HMG20A: variants seen among roughly 807,000 people sequenced by gnomAD.
HMG20A encodes the protein high mobility group protein 20A.
In HMG20A, 17 loss-of-function variants were observed where a neutral mutation model predicts 43.9. The observed-to-expected ratio is 0.39, with a 90% CI of 0.27 to 0.58. The LOEUF (loss-of-function observed/expected upper bound fraction) is 0.58, where lower values mean the gene tolerates loss of function less well. HMG20A is among the 20% of genes least tolerant of loss of function. The pLI, the probability that HMG20A is intolerant of heterozygous loss-of-function variation, is 0.59. For missense variants in HMG20A, 341 were observed against 438.2 expected (o/e 0.78, Z 1.98); for synonymous variants, 132 against 147.5 (o/e 0.89, Z 0.76).
At chr15:77,513,573 T>G in the HMG20A span, among the ~76,000 whole-genome samples, 2 of 152,304 alleles carry the variant, frequency 1.3e-5, no homozygotes, top group African/African-American at 4.8e-5. Flanking sequence ...GCCGACCGGG[T>G]TGGCTTCTGG....
chr15:77,492,289 A>G, the HMG20A span, among the ~76,000 whole-genome samples: 1 of 152,252 alleles, frequency 6.6e-6, no homozygotes, highest in Non-Finnish European at 1.5e-5. Flanking sequence ...TCTATAATAT[A>G]GTATGAAAAT....
At chr15:77,482,500 A>G (rs1200525639) in intron 9 of HMG20A, 1 of 152,176 alleles carries the variant, frequency 6.6e-6, no homozygotes, top group Non-Finnish European at 1.5e-5. Flanking sequence ...GGGAAAAAAA[A>G]TCTTATGTGA....
intron 1 of HMG20A, among the ~76,000 whole-genome samples, chr15:77,454,634 A>G (rs1429005626): frequency 1.3e-5 from 2 of 152,128 alleles, no homozygotes; most frequent in Non-Finnish European, 2.9e-5. Context: ...TTTTTCCTCC[A>G]CCATCTAAAG....
At chr15:77,437,481 C>CT (rs2073561694) in intron 1 of HMG20A, among the ~76,000 whole-genome samples, 1 of 152,170 alleles carries the variant, frequency 6.6e-6, no homozygotes, top group African/African-American at 2.4e-5. Context: ...GATGATTAGT[C>CT]TTCTCAGTGC....
the HMG20A span, among the ~76,000 whole-genome samples, chr15:77,513,410 G>A: frequency 6.6e-6 from 1 of 152,240 alleles, no homozygotes; most frequent in African/African-American, 2.4e-5. Flanking sequence ...TCATGTAGAA[G>A]AGTATTTATA....
intron 7 of HMG20A, 65 bp from the exon 8 acceptor site, chr15:77,478,227 AGAG>A: frequency 6.6e-7 from 1 of 1,504,854 alleles, no homozygotes; most frequent in Non-Finnish European, 9.2e-7. Context: ...CTTCCCTGTA[AGAG>A]TCATTGGGAC....
chr15:77,429,497 C>T (rs945084236), intron 1 of HMG20A, among the ~76,000 whole-genome samples: 27 of 152,076 alleles, frequency 1.8e-4, no homozygotes, highest in African/African-American at 6.3e-4. Flanking sequence ...ATGTTTGTTG[C>T]TTGATGGCAT....
chr15:77,438,895 A>G lies in HMG20A; in HGVS notation c.-5+17891A>G, dbSNP rs148002527. Among the ~76,000 whole-genome samples, 1,459 of 152,122 alleles carry G rather than the reference A, an allele frequency of 9.6e-3. 12 individuals are homozygous for G. The highest frequency in any genetic ancestry group is 0.014 in the Non-Finnish European group (980 of 67,984). On this transcript the variant is annotated intron_variant, in intron 1 of 9. Coordinates refer to ENST00000336216, the MANE Select transcript of HMG20A (RefSeq NM_001304504.2). The stretch of plus-strand genomic sequence containing the variant: ...AAGCTCCGCCTCCCTGGTTCACACC[A>G]TTCTCCTGCCTCAGCCTCCCGAGTA...
chr15:77,430,860 G>A (rs1345453252), intron 1 of HMG20A, among the ~76,000 whole-genome samples: 1 of 152,186 alleles, frequency 6.6e-6, no homozygotes, highest in African/African-American at 2.4e-5. Flanking sequence ...ATGAGGAAAT[G>A]ATGAAGAAGT....
Position 77,484,891 on chromosome 15 carries a change from T to G in HMG20A, c.*1928T>G, listed in dbSNP as rs1233094902. ...TTTTCCTTCTGCCAGATGCTTTGTGTCCTGTCTTCCTTCCTCCTCATATTT... is the reference window on the plus strand; with the variant it reads ...TTTTCCTTCTGCCAGATGCTTTGTGGCCTGTCTTCCTTCCTCCTCATATTT... On this transcript the variant is annotated 3_prime_UTR_variant, in exon 10 of 10. Coordinates refer to ENST00000336216, the MANE Select transcript of HMG20A (RefSeq NM_001304504.2). 2 of 152,254 alleles carry G rather than the reference T, an allele frequency of 1.3e-5. No individual in the cohort carries two copies. The highest frequency in any genetic ancestry group is 2.9e-5 in the Non-Finnish European group (2 of 68,062). The allele number at this position is 152,254 out of a possible 1,614,324, so 9.4% of individuals were successfully genotyped here.
intron 1 of HMG20A, among the ~76,000 whole-genome samples, chr15:77,437,282 C>A (rs2073559755): frequency 6.6e-6 from 1 of 152,154 alleles, no homozygotes; most frequent in Non-Finnish European, 1.5e-5. Context: ...AATTTGTTCA[C>A]CATTGTATTG....
intron 1 of HMG20A, among the ~76,000 whole-genome samples, chr15:77,457,664 A>G (rs907557597): frequency 3.3e-5 from 5 of 152,096 alleles, no homozygotes; most frequent in Non-Finnish European, 5.9e-5. Flanking sequence ...GTTTTCTTCA[A>G]TTAAGCTTAG....
At chr15:77,506,360 C>G in the HMG20A span, among the ~76,000 whole-genome samples, 2 of 152,108 alleles carry the variant, frequency 1.3e-5, no homozygotes, top group Admixed American at 1.3e-4. Flanking sequence ...CACTCCCCTC[C>G]CTCTCCACCA....
the HMG20A span, among the ~76,000 whole-genome samples, chr15:77,493,363 T>C: frequency 6.6e-6 from 1 of 151,874 alleles, no homozygotes; most frequent in Non-Finnish European, 1.5e-5. Context: ...CAGCTTTCAT[T>C]GGGGATTTAG....
chr15:77,513,945 C>G, the HMG20A span, among the ~76,000 whole-genome samples: 1 of 152,084 alleles, frequency 6.6e-6, no homozygotes, highest in African/African-American at 2.4e-5. Flanking sequence ...AGGATGGTCT[C>G]GATCTCTTGA....
rs1268982957 is a variant in HMG20A at position 77,420,922 on chromosome 15, A to G, written c.-87A>G. The G allele has an allele frequency of 2.5e-6, 1 of 398,622 alleles. No individual in the cohort carries two copies. Among genetic ancestry groups the G allele is most frequent in the African/African-American group, 2.1e-5 (1 of 48,642 alleles). 24.7% of individuals were successfully genotyped at this position (398,622 alleles called of 1,614,324 possible). On this transcript the variant is annotated 5_prime_UTR_variant, in exon 1 of 10. Coordinates refer to ENST00000336216, the MANE Select transcript of HMG20A (RefSeq NM_001304504.2). ...ACGACGAGTGCGTGAAGTGAAGGCG[A>G]TTGAGAGGGGCTGAGGGAATTGTCC...
At chr15:77,507,367 C>G in the HMG20A span, among the ~76,000 whole-genome samples, 1 of 152,350 alleles carries the variant, frequency 6.6e-6, no homozygotes, top group South Asian at 2.1e-4. Context: ...CCCCACACCC[C>G]TCCCAGAAGC....
the HMG20A span, among the ~76,000 whole-genome samples, chr15:77,497,273 G>A: frequency 6.6e-6 from 1 of 152,372 alleles, no homozygotes; most frequent in East Asian, 1.9e-4. Flanking sequence ...CCGAGAAGGT[G>A]AGGAAGAGTG....
chr15:77,460,894 G>A (rs1008895745), intron 2 of HMG20A, among the ~76,000 whole-genome samples: 5 of 152,176 alleles, frequency 3.3e-5, no homozygotes, highest in African/African-American at 1.2e-4. Context: ...GTTGAGGCAG[G>A]AAAATTGCTT....
Sources: allele counts gnomAD v4.1 joint callset (sites outside exome capture counted in the v4.1 genomes callset), GRCh38; gene constraint gnomAD v4.1.1; transcripts MANE v1.5; gene names NCBI Gene and HGNC (gene_info 2026-07-23, HGNC 2026-07-21).